Variants in DHX30 observed in about 807,000 individuals in gnomAD.
DHX30 encodes ATP-dependent RNA helicase DHX30.
Under a neutral mutation model 116.9 loss-of-function variants are expected in DHX30, and 4 were observed. The ratio of observed to expected loss-of-function variants is 0.03; its 90% confidence interval spans 0.02 to 0.08. The LOEUF (loss-of-function observed/expected upper bound fraction) is 0.08. DHX30 is among the 10% of genes least tolerant of loss of function. DHX30 has a pLI of 1.00. For synonymous variants in DHX30, 697 were observed against 651.7 expected (o/e 1.07, Z -1.06); for missense variants, 871 against 1,595.1 (o/e 0.55, Z 7.73).
At chr3:47,826,290 A>G (rs1006058053) in intron 4 of DHX30, among the ~76,000 whole-genome samples, 1 of 152,138 alleles carries the variant, frequency 6.6e-6, no homozygotes, top group African/African-American at 2.4e-5. Flanking sequence ...CCCTAGGTAG[A>G]TATCTCTTCC....
chr3:47,806,778 A>C (rs1209150592), intron 2 of DHX30, among the ~76,000 whole-genome samples: 1 of 151,548 alleles, frequency 6.6e-6, no homozygotes, highest in African/African-American at 2.4e-5. Context: ...TTTTTAGTAG[A>C]GACAGGATTT....
In DHX30 at chr3:47,849,805, G is replaced by A. The variant is rs762398866; in HGVS notation, c.3331+36G>A. The A allele has an allele frequency of 1.2e-5, 19 of 1,608,072 alleles. 1 individual carries two copies. In the South Asian group the frequency reaches 2.1e-4, roughly 18 times the overall value. ...GCAGGCCTCCCGCCCACCCCGCTCT[G>A]CAGCTGCTCCTCCGGGGCCTGGCCT... On this transcript the variant is annotated intron_variant, in intron 21 of 21. Coordinates refer to ENST00000445061, the MANE Select transcript of DHX30 (RefSeq NM_138615.3).
chr3:47,828,944 C>A (rs2036677767), intron 5 of DHX30, 80 bp from the exon 6 acceptor site: 4 of 813,418 alleles, frequency 4.9e-6, no homozygotes, highest in Non-Finnish European at 8.3e-6. Context: ...TGAGGTCCAC[C>A]ACTGTTTATT....
chr3:47,816,419 G>A (rs2036060892), intron 3 of DHX30: 7 of 980,082 alleles, frequency 7.1e-6, no homozygotes, highest in African/African-American at 3.6e-5. Flanking sequence ...GTGCAATGGC[G>A]CGATCTCGGC....
At chr3:47,833,987 C>T (rs956296029) in intron 6 of DHX30, among the ~76,000 whole-genome samples, 1 of 152,248 alleles carries the variant, frequency 6.6e-6, no homozygotes, top group Non-Finnish European at 1.5e-5. Context: ...ACTTTACATC[C>T]TTGGACCTAC....
At chr3:47,818,468 AG>A (rs2036154905) in intron 4 of DHX30, among the ~76,000 whole-genome samples, 1 of 152,156 alleles carries the variant, frequency 6.6e-6, no homozygotes, top group African/African-American at 2.4e-5. Flanking sequence ...CTCAGAGAGC[AG>A]GGTGCTTGTA....
chr3:47,810,669 C>G lies in DHX30; in HGVS notation c.-15C>G. Reference sequence around the variant, plus strand: ...TCCTTGTTCTCAGGATTCCAGCTTTCCCTCCTGGCCAGAAATGTTCAGCCT... The same window carrying G: ...TCCTTGTTCTCAGGATTCCAGCTTTGCCTCCTGGCCAGAAATGTTCAGCCT... On this transcript the variant is annotated 5_prime_UTR_variant, in exon 3 of 22. Coordinates refer to ENST00000445061, the MANE Select transcript of DHX30 (RefSeq NM_138615.3). 4.3e-6 allele frequency: 7 copies of G among 1,614,046 alleles called. No homozygotes were observed. The highest frequency in any genetic ancestry group is 5.9e-6 in the Non-Finnish European group (7 of 1,179,940).
In DHX30 at chr3:47,831,556, A is replaced by G. The variant is rs186915386; in HGVS notation, c.366+2422A>G. Among the ~76,000 whole-genome samples the G allele has an allele frequency of 1.2e-3, 186 of 152,140 alleles. 1 individual carries two copies. Among genetic ancestry groups the G allele is most frequent in the Non-Finnish European group, 3.4e-4 (23 of 67,992 alleles). On this transcript the variant is annotated intron_variant, in intron 6 of 21. Transcript: ENST00000445061. ...TTCTGGTTCTTTTCTATAGGCCTCA[A>G]AAATATTCAGTGCTCTGATTTTTTC...
At chr3:47,849,799 C>T (rs200477623) in intron 21 of DHX30, 30 bp downstream of exon 21, 260 of 1,607,730 alleles carry the variant, frequency 1.6e-4, no homozygotes, top group Non-Finnish European at 2.1e-4. Context: ...CCGCCCACCC[C>T]GCTCTGCAGC....
intron 1 of DHX30, among the ~76,000 whole-genome samples, chr3:47,803,416 T>G (rs1376784521): frequency 1.3e-5 from 2 of 151,954 alleles, no homozygotes; most frequent in African/African-American, 4.8e-5. Context: ...CAGCCAGGCC[T>G]CGGCCTGCCG....
intron 3 of DHX30, among the ~76,000 whole-genome samples, chr3:47,815,723 CAAAAAAAAAAAAAAAA>C (rs11349970): frequency 6.3e-3 from 131 of 20,766 alleles, no homozygotes; most frequent in African/African-American, 0.027. Flanking sequence ...TAAAAAAGAG[CAAAAAAAAAAAAAAAA>C]AAAAAAAAAA....
intron 4 of DHX30, among the ~76,000 whole-genome samples, chr3:47,824,608 A>C (rs1576480931): frequency 6.6e-6 from 1 of 152,174 alleles, no homozygotes; most frequent in Admixed American, 6.5e-5. Context: ...CCAGATCTTC[A>C]CCAGGTTTAC....
intron 2 of DHX30, among the ~76,000 whole-genome samples, chr3:47,807,813 C>G (rs1182670068): frequency 6.7e-6 from 1 of 148,718 alleles, no homozygotes; most frequent in Non-Finnish European, 1.5e-5. Context: ...CTAGGCTGGT[C>G]TTGAACTCCT....
intron 3 of DHX30, among the ~76,000 whole-genome samples, chr3:47,815,681 C>T (rs960223911): frequency 1.5e-4 from 19 of 129,116 alleles, no homozygotes; most frequent in African/African-American, 3.5e-4. Context: ...GTAATGCCAT[C>T]GGACTCAGGC....
intron 6 of DHX30, among the ~76,000 whole-genome samples, chr3:47,834,470 C>T (rs1355135994): frequency 6.6e-6 from 1 of 151,964 alleles, no homozygotes; most frequent in East Asian, 1.9e-4. Context: ...CATGTTTTTA[C>T]TTTTATTTAT....
Position 47,846,984 on chromosome 3 carries a change from C to T in DHX30, c.1912C>T (p.Arg638Trp), listed in dbSNP as rs755337396. The change falls in exon 11 of 22, where the codon CGG becomes TGG. Residue 638 changes from arginine to tryptophan, a missense_variant. Transcript: ENST00000445061. ...AKLGKHQYLH[R>W]HRHHESEDEC... is the part of the protein sequence containing the mutation. The stretch of plus-strand genomic sequence containing the variant: ...GTTGGGCAAGCACCAGTACCTGCAC[C>T]GGCACCGGCACCATGAGGTGAGGGA... 45 of 1,611,132 alleles carry T rather than the reference C, an allele frequency of 2.8e-5. No individual in the cohort carries two copies. The highest frequency in any genetic ancestry group is 6.7e-5 in the African/African-American group (5 of 74,914).
chr3:47,830,852 C>T (rs1264461843), intron 6 of DHX30: 5 of 152,438 alleles, frequency 3.3e-5, no homozygotes, highest in Admixed American at 6.6e-5. Context: ...ACCTCAGCCT[C>T]GCAAAGTGCT....
rs753672870 is a variant in DHX30 at position 47,846,374 on chromosome 3, A to G, written c.1302A>G (p.Leu434=). ...CGGTCTGGCAGGAGGCCCCCCAGCT[A>G]CCTGTGGACCCACATCGGGACACCA... The part of the protein sequence containing the change: ...RGPVWQEAPQ[L]PVDPHRDTIL... Residue 434 remains leucine (L), a synonymous_variant, in exon 11 of 22, where the codon CTA becomes CTG. Transcript: ENST00000445061. 6.2e-7 allele frequency: 1 copy of G among 1,614,000 alleles called. No individual in the cohort carries two copies. Among genetic ancestry groups the G allele is most frequent in the South Asian group, 1.1e-5 (1 of 91,088 alleles).
intron 4 of DHX30, among the ~76,000 whole-genome samples, chr3:47,827,074 G>C (rs11919914): frequency 0.01 from 1,544 of 152,268 alleles, 30 homozygotes; most frequent in African/African-American, 0.035. Context: ...GAAATGAGGA[G>C]ATTGGGCGGA....
Sources: allele counts gnomAD v4.1 joint callset (sites outside exome capture counted in the v4.1 genomes callset), GRCh38; gene constraint gnomAD v4.1.1; transcripts MANE v1.5; gene names NCBI Gene and HGNC (gene_info 2026-07-23, HGNC 2026-07-21).